Variants in DGAT2 observed in about 807,000 individuals in gnomAD.
DGAT2 encodes the protein diacylglycerol O-acyltransferase 2, also known as acyl-CoA retinol O-fatty-acyltransferase.
In DGAT2, 33 loss-of-function variants were observed where a neutral mutation model predicts 48.4. The observed-to-expected ratio is 0.68, with a 90% CI of 0.52 to 0.91. The LOEUF is 0.91. DGAT2 is among the 40% of genes least tolerant of loss of function. DGAT2 has a pLI of 0.00. For missense variants in DGAT2, 446 were observed against 493.7 expected, an observed-to-expected ratio of 0.90 and a Z score of 0.92; for synonymous variants, 191 against 194.1, an observed-to-expected ratio of 0.98 and a Z score of 0.13.
chr11:75,790,346 C>G, intron 3 of DGAT2, 51 bp downstream of exon 3: 1 of 1,460,158 alleles, frequency 6.8e-7, no homozygotes, highest in East Asian at 2.3e-5. Flanking sequence ...GATGCTCTTC[C>G]CCCTGCACAA....
intron 2 of DGAT2, among the ~76,000 whole-genome samples, chr11:75,787,357 A>G (rs1313889722): frequency 1.3e-5 from 2 of 152,232 alleles, no homozygotes; most frequent in African/African-American, 4.8e-5. Flanking sequence ...TGGCAGGGCC[A>G]AGGCTCCAGG....
chr11:75,790,393 C>T (rs188648189), intron 3 of DGAT2, 98 bp downstream of exon 3: 4 of 1,091,852 alleles, frequency 3.7e-6, no homozygotes, highest in African/African-American at 3.1e-5. Flanking sequence ...TTTCTTTTAA[C>T]ACCCACTTTG....
In DGAT2 at chr11:75,796,314, G is replaced by C. The variant is rs1379542436; in HGVS notation, c.430-14G>C. ...TCCCAGCCAGTTTCCTCTGACCCAAGGTCATCCTTGCAGCTGGTGAAGACA... is the reference window on the plus strand; with the variant it reads ...TCCCAGCCAGTTTCCTCTGACCCAACGTCATCCTTGCAGCTGGTGAAGACA... On this transcript the variant is annotated splice_polypyrimidine_tract_variant and intron_variant, in intron 4 of 7. Transcript: ENST00000228027. 2 of 1,611,758 alleles carry C rather than the reference G, an allele frequency of 1.2e-6. No homozygotes were observed. Among genetic ancestry groups the C allele is most frequent in the South Asian group, 1.1e-5 (1 of 90,962 alleles).
At chr11:75,772,705 C>T (rs1027539559) in intron 1 of DGAT2, among the ~76,000 whole-genome samples, 11 of 152,198 alleles carry the variant, frequency 7.2e-5, no homozygotes, top group East Asian at 1.9e-4. Context: ...GTCCCTTTGC[C>T]GGCCGCGTGC....
Position 75,796,402 on chromosome 11 carries a change from G to C in DGAT2, c.504G>C (p.Leu168=). The stretch of plus-strand genomic sequence containing the variant: ...ACCACCCCCATGGTATCATGGGCCT[G>C]GGTGCCTTCTGCAACTTCAGCACAG... ...FGYHPHGIMG[L]GAFCNFSTEA... Residue 168 remains leucine (L), a synonymous_variant, in exon 5 of 8, where the codon CTG becomes CTC. Transcript: ENST00000228027. 1 of 1,614,126 alleles carries C rather than the reference G, an allele frequency of 6.2e-7. No homozygotes were observed. The highest frequency in any genetic ancestry group is 8.5e-7 in the Non-Finnish European group (1 of 1,180,020).
rs751315702 is a variant in DGAT2, at chr11:75,796,379, C to T, written c.481C>T (p.His161Tyr). 1.2e-6 allele frequency: 2 copies of T among 1,614,132 alleles called. No individual in the cohort carries two copies. The highest frequency in any genetic ancestry group is 1.7e-6 in the Non-Finnish European group (2 of 1,180,020). ...CACCAGGAACTATATCTTTGGATAC[C>T]ACCCCCATGGTATCATGGGCCTGGG... ...LTTRNYIFGY[H>Y]PHGIMGLGAF... The change falls in exon 5 of 8, where the codon CAC becomes TAC. Residue 161 changes from histidine to tyrosine, a missense_variant. His to Tyr is a moderately conservative substitution (Grantham distance 83). Coordinates refer to ENST00000228027, the MANE Select transcript of DGAT2 (RefSeq NM_032564.5).
intron 5 of DGAT2, 165 bp downstream of exon 5, chr11:75,796,697 G>A: frequency 1.5e-6 from 1 of 675,612 alleles, no homozygotes; most frequent in Non-Finnish European, 2.5e-6. Context: ...GAGGAGGAGA[G>A]CTGTCCATAT....
chr11:75,784,848 T>TA (rs1851763930), intron 2 of DGAT2, 102 bp downstream of exon 2: 20 of 1,513,674 alleles, frequency 1.3e-5, no homozygotes, highest in Non-Finnish European at 1.7e-5. Flanking sequence ...GGAATAAGAG[T>TA]AACTCTTACA....
rs1200643960 is a variant in DGAT2, at chr11:75,798,234, C to T, written c.817C>T (p.Leu273=). The T allele has an allele frequency of 5.6e-6, 9 of 1,614,070 alleles. No individual in the cohort carries two copies. Among genetic ancestry groups the T allele is most frequent in the Admixed American group, 1.7e-5 (1 of 60,012 alleles). Residue 273 remains leucine (L), a synonymous_variant, in exon 7 of 8, where the codon CTG becomes TTG. Coordinates refer to ENST00000228027, the MANE Select transcript of DGAT2 (RefSeq NM_032564.5). ...CTGGCCTCTCCCTTCCAGAGCTGAC[C>T]TGGTTCCCATCTACTCCTTTGGAGA... The part of the protein sequence containing the change: ...VKLALRHGAD[L]VPIYSFGENE...
intron 3 of DGAT2, 60 bp from the exon 4 acceptor site, chr11:75,790,601 T>C (rs943400006): frequency 5.9e-6 from 9 of 1,533,030 alleles, no homozygotes; most frequent in East Asian, 4.5e-5. Context: ...GGCCCTGTCT[T>C]GTCTGCCTTG....
At chr11:75,776,335 A>G (rs1944802979) in intron 1 of DGAT2, 1 of 152,280 alleles carries the variant, frequency 6.6e-6, no homozygotes, top group African/African-American at 2.4e-5. Flanking sequence ...CAGATGAATG[A>G]GACATGGTCC....
intron 4 of DGAT2, chr11:75,795,824 C>T (rs1486046606): frequency 6.3e-6 from 1 of 159,052 alleles, no homozygotes; most frequent in Admixed American, 5.9e-5. Flanking sequence ...CCAAGTAAAC[C>T]CTACCTCCAA....
Position 75,784,744 on chromosome 11 carries a change from T to G in DGAT2, c.248T>G (p.Leu83Arg). The G allele has an allele frequency of 1.9e-6, 3 of 1,613,978 alleles. No homozygotes were observed. The South Asian group carries it at 3.3e-5, about 18-fold the overall frequency. ...CAGTGGGTCCTGTCCTTCCTTGTACTGGGTAAGCTGGGCCTTAGAGGGAGG... is the reference window on the plus strand; with the variant it reads ...CAGTGGGTCCTGTCCTTCCTTGTACGGGGTAAGCTGGGCCTTAGAGGGAGG... ...VLQWVLSFLV[L>R]GVACSAILMY... Residue 83 changes from leucine (L) to arginine (R), a missense_variant and splice_region_variant, in exon 2 of 8, where the codon CTG becomes CGG. Transcript: ENST00000228027.
intron 1 of DGAT2, among the ~76,000 whole-genome samples, chr11:75,781,967 A>G (rs1266496657): frequency 6.6e-6 from 1 of 152,132 alleles, no homozygotes; most frequent in East Asian, 1.9e-4. Context: ...AGTTGGGGAT[A>G]TGTCATCAGT....
intron 4 of DGAT2, among the ~76,000 whole-genome samples, chr11:75,791,920 G>T (rs929931401): frequency 2.0e-5 from 3 of 152,218 alleles, no homozygotes; most frequent in African/African-American, 7.2e-5. Flanking sequence ...ACTTTCTCAA[G>T]CCTGCTGAGC....
intron 1 of DGAT2, among the ~76,000 whole-genome samples, chr11:75,774,427 T>C (rs553320474): frequency 2.0e-5 from 3 of 152,324 alleles, no homozygotes; most frequent in East Asian, 3.9e-4. Flanking sequence ...GGTAAATCAA[T>C]AGAAATGGGA....
chr11:75,795,817 A>C (rs1945044591), intron 4 of DGAT2: 2 of 159,208 alleles, frequency 1.3e-5, no homozygotes, highest in East Asian at 3.7e-4. Context: ...CACAGGGCCA[A>C]GTAAACCCTA....
At chr11:75,787,590 G>A (rs2135771310) in intron 2 of DGAT2, among the ~76,000 whole-genome samples, 1 of 152,380 alleles carries the variant, frequency 6.6e-6, no homozygotes, top group Non-Finnish European at 1.5e-5. Context: ...AGCTTCTCAT[G>A]AGCTCAGCAA....
At chr11:75,786,481 G>T (rs1217788258) in intron 2 of DGAT2, among the ~76,000 whole-genome samples, 1 of 152,148 alleles carries the variant, frequency 6.6e-6, no homozygotes, top group Admixed American at 6.5e-5. Flanking sequence ...GGCCTGGCTG[G>T]TAGGGAGCTG....
Sources: allele counts gnomAD v4.1 joint callset (sites outside exome capture counted in the v4.1 genomes callset), GRCh38; gene constraint gnomAD v4.1.1; transcripts MANE v1.5; gene names NCBI Gene and HGNC (gene_info 2026-07-23, HGNC 2026-07-21).